The following DACH2 variants were observed in gnomAD, a reference collection of about 807,000 sequenced individuals.
DACH2 encodes the protein dachshund homolog 2.
DACH2 carries 17 observed loss-of-function variants against 35.8 expected under a neutral mutation model. The observed-to-expected ratio is 0.48, with a 90% CI of 0.33 to 0.71. The LOEUF (loss-of-function observed/expected upper bound fraction) is 0.71, where lower values mean the gene tolerates loss of function less well. DACH2 is among the 30% of genes least tolerant of loss of function. The pLI, the probability that DACH2 is intolerant of heterozygous loss-of-function variation, is 0.02. For synonymous variants in DACH2, 195 were observed against 177.3 expected (o/e 1.10, Z -0.79); for missense variants, 469 against 472.7 (o/e 0.99, Z 0.07).
chrX:86,454,010 A>G (rs1410465959), intron 2 of DACH2, among the ~76,000 whole-genome samples: 1 of 111,571 alleles, frequency 9.0e-6, no homozygotes, highest in Non-Finnish European at 1.9e-5. Flanking sequence ...TTATCTGAAA[A>G]GCAGCTTTTT....
At chrX:86,246,251 T>C (rs752961308) in intron 1 of DACH2, among the ~76,000 whole-genome samples, 1 of 98,195 alleles carries the variant, frequency 1.0e-5, no homozygotes, top group South Asian at 5.9e-4. Context: ...TATTTGAAGA[T>C]ATTGTCCATG....
intron 4 of DACH2, among the ~76,000 whole-genome samples, chrX:86,656,443 T>A (rs1203359145): frequency 2.7e-5 from 3 of 110,985 alleles, no homozygotes; most frequent in African/African-American, 9.8e-5. Flanking sequence ...CTGGCACTGA[T>A]TCATAGTTCC....
intron 2 of DACH2, among the ~76,000 whole-genome samples, chrX:86,412,550 G>T (rs1016367550): frequency 9.0e-6 from 1 of 111,725 alleles, no homozygotes; most frequent in Non-Finnish European, 1.9e-5. Flanking sequence ...TGAATTCCAT[G>T]AGCATGAGCC....
At chrX:86,403,128 A>G (rs1245437105) in intron 2 of DACH2, among the ~76,000 whole-genome samples, 1 of 112,495 alleles carries the variant, frequency 8.9e-6, no homozygotes, top group Admixed American at 9.4e-5. Context: ...GGCCTTGGCA[A>G]AAAACTTTGA....
chrX:86,191,660 T>C (rs146625295), intron 1 of DACH2, among the ~76,000 whole-genome samples: 2,457 of 111,344 alleles, frequency 0.022, 83 homozygotes, highest in African/African-American at 0.076. Context: ...CAAAACTTTT[T>C]CTAGCCGCGG....
intron 1 of DACH2, among the ~76,000 whole-genome samples, chrX:86,356,658 T>A (rs2035648082): frequency 9.0e-6 from 1 of 111,701 alleles, no homozygotes; most frequent in African/African-American, 3.2e-5. Flanking sequence ...ATTCTTCCTA[T>A]CCATGAGCAT....
At chrX:86,828,738 G>C (rs999915813) in intron 11 of DACH2, 1 of 111,019 alleles carries the variant, frequency 9.0e-6, no homozygotes, top group Non-Finnish European at 1.9e-5. Context: ...ATTTTTAACT[G>C]TTTACTTAGA....
rs781443367 is a variant in DACH2, at chrX:86,738,942, G to A, written c.1105-805G>A. Among the ~76,000 whole-genome samples the A allele has an allele frequency of 2.7e-5, 3 of 110,764 alleles. No individual in the cohort carries two copies. In the East Asian group the frequency reaches 8.6e-4, roughly 32 times the overall value. ...GGCTGGAGTGCAATGGCGTGACTTC[G>A]GCTCACTGCAATGTCCACCTCTTGG... is the stretch of plus-strand genomic sequence containing the variant. On this transcript the variant is annotated intron_variant, in intron 6 of 11. Coordinates refer to ENST00000373125, the MANE Select transcript of DACH2 (RefSeq NM_053281.3).
chrX:86,307,821 G>A (rs1451795841), intron 1 of DACH2, among the ~76,000 whole-genome samples: 1 of 111,611 alleles, frequency 9.0e-6, no homozygotes, highest in African/African-American at 3.3e-5. Context: ...CAGAAATCTG[G>A]AGAACAGGAA....
intron 2 of DACH2, among the ~76,000 whole-genome samples, chrX:86,407,994 G>A (rs1259146266): frequency 9.1e-6 from 1 of 110,475 alleles, no homozygotes; most frequent in Non-Finnish European, 1.9e-5. Flanking sequence ...TTAGTAAATG[G>A]CAGATTTGGG....
chrX:86,151,732 A>G (rs1177892984), intron 1 of DACH2, among the ~76,000 whole-genome samples: 1 of 111,735 alleles, frequency 8.9e-6, no homozygotes, highest in Non-Finnish European at 1.9e-5. Context: ...TACTCCCAAA[A>G]TCTGAATTTT....
intron 3 of DACH2, among the ~76,000 whole-genome samples, chrX:86,570,816 T>C (rs1405070183): frequency 9.0e-6 from 1 of 111,501 alleles, no homozygotes; most frequent in Non-Finnish European, 1.9e-5. Flanking sequence ...TATTGTTTTG[T>C]AAGATTTCTT....
chrX:86,784,689 T>C (rs2042120622), intron 7 of DACH2, among the ~76,000 whole-genome samples: 1 of 111,833 alleles, frequency 8.9e-6, no homozygotes, highest in Non-Finnish European at 1.9e-5. Context: ...ATATGTTCCT[T>C]GCAGGACTTT....
intron 3 of DACH2, among the ~76,000 whole-genome samples, chrX:86,565,113 T>C (rs2039277520): frequency 9.0e-6 from 1 of 111,312 alleles, no homozygotes; most frequent in Admixed American, 9.6e-5. Flanking sequence ...TTCCATATTC[T>C]GCCCTCAATC....
At chrX:86,570,379 C>T (rs953600823) in intron 3 of DACH2, among the ~76,000 whole-genome samples, 1 of 111,676 alleles carries the variant, frequency 9.0e-6, no homozygotes, top group Non-Finnish European at 1.9e-5. Flanking sequence ...AAATGTGGTA[C>T]ATATACATCA....
intron 1 of DACH2, among the ~76,000 whole-genome samples, chrX:86,205,234 G>A (rs2147906812): frequency 9.0e-6 from 1 of 111,452 alleles, no homozygotes; most frequent in East Asian, 2.9e-4. Context: ...TATATAACTG[G>A]AAAGAGTCGT....
chrX:86,643,382 T>G (rs939587070), intron 3 of DACH2, among the ~76,000 whole-genome samples: 9 of 110,409 alleles, frequency 8.2e-5, no homozygotes, highest in Admixed American at 4.8e-4. Context: ...GATAAGTTCC[T>G]GGACACATAC....
chrX:86,829,199 T>C (rs770499901), intron 11 of DACH2: 2 of 112,217 alleles, frequency 1.8e-5, no homozygotes, highest in African/African-American at 6.5e-5. Flanking sequence ...AAGGTCTGCT[T>C]ATATAGAGTA....
intron 2 of DACH2, among the ~76,000 whole-genome samples, chrX:86,472,455 C>A: frequency 9.0e-6 from 1 of 111,669 alleles, no homozygotes; most frequent in Non-Finnish European, 1.9e-5. Context: ...ACATTTCAGA[C>A]TTCTGACCCC....
Sources: allele counts gnomAD v4.1 joint callset (sites outside exome capture counted in the v4.1 genomes callset), GRCh38; gene constraint gnomAD v4.1.1; transcripts MANE v1.5; gene names NCBI Gene and HGNC (gene_info 2026-07-23, HGNC 2026-07-21).